DSC2: variants seen among roughly 807,000 people sequenced by gnomAD.
DSC2 encodes desmocollin 2.
In DSC2, 51 loss-of-function variants were observed where a neutral mutation model predicts 87.6. That is an observed-to-expected ratio of 0.58 (90% CI 0.46 to 0.74). The LOEUF is 0.74. DSC2 is among the 30% of genes least tolerant of loss of function. DSC2 has a pLI of 0.00. For synonymous variants in DSC2, 383 were observed against 393.2 expected (o/e 0.97, Z 0.31); for missense variants, 1,066 against 1,089.5 (o/e 0.98, Z 0.30).
At chr18:31,090,960 T>A in intron 4 of DSC2, 68 bp downstream of exon 4, 2 of 1,599,228 alleles carry the variant, frequency 1.3e-6, no homozygotes, top group South Asian at 2.2e-5. Context: ...AATAACTTCA[T>A]ACTCAGTGTC....
chr18:31,086,370 GAAAC>G (rs770989745), intron 7 of DSC2, among the ~76,000 whole-genome samples: 24 of 152,114 alleles, frequency 1.6e-4, no homozygotes, highest in Non-Finnish European at 3.2e-4. Flanking sequence ...CTGATTGTAT[GAAAC>G]AAACAATTCA....
At position 31,062,141 on chromosome 18, in the gene DSC2, C is replaced by T. The variant is rs1448718033; in HGVS notation, c.*5874G>A. 6.6e-6 allele frequency: 1 copy of T among 152,180 alleles called. No individual in the cohort carries two copies. Among genetic ancestry groups the T allele is most frequent in the African/African-American group, 2.4e-5 (1 of 41,444 alleles). 9.4% of individuals were successfully genotyped at this position (152,180 alleles called of 1,614,324 possible). On this transcript the variant is annotated 3_prime_UTR_variant, in exon 16 of 16. Transcript: ENST00000280904. ...CTACTTCTTGTGTGAAGATTTTCTT[C>T]TCTCAGGGCACACATGAGCACGGTG...
intron 3 of DSC2, chr18:31,091,685 T>G (rs1055702149): frequency 8.9e-6 from 4 of 449,538 alleles, no homozygotes; most frequent in Non-Finnish European, 1.8e-5. Context: ...ATAGCATGCA[T>G]GTGGTCCAAA....
In DSC2 at chr18:31,067,718, G is replaced by T; in HGVS notation, c.*297C>A. 3.0e-6 allele frequency: 1 copy of T among 329,544 alleles called. No individual in the cohort carries two copies. Among genetic ancestry groups the T allele is most frequent in the Non-Finnish European group, 5.7e-6 (1 of 176,234 alleles). 20.4% of individuals were successfully genotyped at this position (329,544 alleles called of 1,614,324 possible). On this transcript the variant is annotated 3_prime_UTR_variant, in exon 16 of 16. Transcript: ENST00000280904. ...GGACTTGAATTAATTACATTTTATT[G>T]CACTATAAATTGGCTGTTGTCATTA...
At chr18:31,096,760 C>T (rs1257810742) in intron 1 of DSC2, among the ~76,000 whole-genome samples, 1 of 151,806 alleles carries the variant, frequency 6.6e-6, no homozygotes, top group Non-Finnish European at 1.5e-5. Flanking sequence ...AGAAGCAATC[C>T]AATTAAACTC....
rs886129692 is a variant in DSC2 at position 31,063,087 on chromosome 18, T to C, written c.*4928A>G. ...GCTTATGCCTGTAATCCCAGCACTT[T>C]GGGAGGCCAAGTGCTGACAGATCAC... On this transcript the variant is annotated 3_prime_UTR_variant, in exon 16 of 16. Coordinates refer to ENST00000280904, the MANE Select transcript of DSC2 (RefSeq NM_024422.6). 1 of 152,160 alleles carries C rather than the reference T, an allele frequency of 6.6e-6. No homozygotes were observed. The allele number at this position is 152,160 out of a possible 1,614,324, so 9.4% of individuals were successfully genotyped here. A position where few individuals can be genotyped will look rare whatever the true frequency, so the allele number is the denominator to read the frequency against.
In DSC2 at chr18:31,061,561, A is replaced by G. The variant is rs932802690; in HGVS notation, c.*6454T>C. 1.6e-4 allele frequency: 25 copies of G among 152,178 alleles called. No homozygotes were observed. The highest frequency in any genetic ancestry group is 1.4e-3 in the Admixed American group (21 of 15,272). The allele number at this position is 152,178 out of a possible 1,614,324, so 9.4% of individuals were successfully genotyped here. On this transcript the variant is annotated 3_prime_UTR_variant, in exon 16 of 16. Coordinates refer to ENST00000280904, the MANE Select transcript of DSC2 (RefSeq NM_024422.6). Reference sequence around the variant, plus strand: ...ACACAGTAAAATTCCTCTATAAAACAAGATTTAGGGTGTGTTCTTTTAAAT... The same window carrying G: ...ACACAGTAAAATTCCTCTATAAAACGAGATTTAGGGTGTGTTCTTTTAAAT...
chr18:31,096,116 T>C (rs904945264), intron 1 of DSC2, among the ~76,000 whole-genome samples: 1 of 152,140 alleles, frequency 6.6e-6, no homozygotes, highest in Non-Finnish European at 1.5e-5. Flanking sequence ...ATAAATTAAA[T>C]AAGCAGCTTT....
Position 31,093,621 on chromosome 18 carries a change from G to A in DSC2, c.92C>T (p.Ala31Val). Residue 31 changes from alanine (A) to valine (V), a missense_variant, in exon 2 of 16, where the codon GCC becomes GTC. Transcript: ENST00000280904. ...TLAILIFASD[A>V]CKNVTLHVPS... The stretch of plus-strand genomic sequence containing the variant: ...AACATGTAATGTCACATTTTTGCAG[G>A]CATCACTGGCAAATATTAAGATCTA... The A allele has an allele frequency of 6.3e-7, 1 of 1,591,768 alleles. No homozygotes were observed. Among genetic ancestry groups the A allele is most frequent in the South Asian group, 1.1e-5 (1 of 89,184 alleles).
intron 1 of DSC2, among the ~76,000 whole-genome samples, chr18:31,097,082 A>G (rs1987783002): frequency 6.6e-6 from 1 of 151,844 alleles, no homozygotes. Context: ...GGAGATAGAG[A>G]CCATCCTGGC....
At chr18:31,097,684 A>C (rs1987806417) in intron 1 of DSC2, among the ~76,000 whole-genome samples, 4 of 151,932 alleles carry the variant, frequency 2.6e-5, no homozygotes, top group Admixed American at 2.6e-4. Flanking sequence ...TGGCATATGA[A>C]TAGAATGATA....
intron 2 of DSC2, 109 bp from the exon 3 acceptor site, chr18:31,092,409 A>T: frequency 1.1e-6 from 1 of 896,522 alleles, no homozygotes; most frequent in South Asian, 1.4e-5. Context: ...CATTATACTG[A>T]CACTTGTAAA....
At chr18:31,101,366 G>A in intron 1 of DSC2, 1 of 761,828 alleles carries the variant, frequency 1.3e-6, no homozygotes, top group African/African-American at 2.0e-5. Context: ...CTCGCTCTCC[G>A]TCCCGGCCGC....
chr18:31,100,546 T>C (rs1987906052), intron 1 of DSC2, among the ~76,000 whole-genome samples: 1 of 152,200 alleles, frequency 6.6e-6, no homozygotes, highest in Non-Finnish European at 1.5e-5. Context: ...CCTTTCTATG[T>C]TATTAATATG....
In DSC2 at chr18:31,090,142, C is replaced by G. The variant is rs186715429; in HGVS notation, c.475-548G>C. On this transcript the variant is annotated intron_variant, in intron 4 of 15. Coordinates refer to ENST00000280904, the MANE Select transcript of DSC2 (RefSeq NM_024422.6). ...ATTTTGGAATGTGTAATATTCTGAT[C>G]CTTGATTCGAAAAGCAAATTTCCTC... Among the ~76,000 whole-genome samples the G allele has an allele frequency of 2.5e-3, 375 of 152,114 alleles. 2 individuals carry two copies. The highest frequency in any genetic ancestry group is 8.3e-3 in the African/African-American group (346 of 41,508).
At chr18:31,087,909 G>T in intron 5 of DSC2, 96 bp from the exon 6 acceptor site, 6 of 1,245,696 alleles carry the variant, frequency 4.8e-6, no homozygotes, top group Non-Finnish European at 7.0e-6. Context: ...AGACTGTTCA[G>T]AACTACAGTA....
chr18:31,097,153 T>C (rs1598594993), intron 1 of DSC2, among the ~76,000 whole-genome samples: 1 of 150,886 alleles, frequency 6.6e-6, no homozygotes, highest in African/African-American at 2.4e-5. Flanking sequence ...CCAGGCGTGG[T>C]GGCGGGCACC....
chr18:31,079,374 C>T (rs183013512), intron 11 of DSC2, among the ~76,000 whole-genome samples: 1 of 152,248 alleles, frequency 6.6e-6, no homozygotes, highest in Non-Finnish European at 1.5e-5. Context: ...CTGCCTCAGC[C>T]TCCCGAGTAG....
intron 14 of DSC2, 34 bp downstream of exon 14, chr18:31,070,692 C>A (rs775771127): frequency 1.9e-5 from 30 of 1,612,264 alleles, no homozygotes; most frequent in Non-Finnish European, 6.8e-6. Flanking sequence ...GCGAATTCAT[C>A]CTTTGTATTT....
Sources: allele counts gnomAD v4.1 joint callset (sites outside exome capture counted in the v4.1 genomes callset), GRCh38; gene constraint gnomAD v4.1.1; transcripts MANE v1.5; gene names NCBI Gene and HGNC (gene_info 2026-07-23, HGNC 2026-07-21).